The following COL5A2 variants were observed in gnomAD, a reference collection of about 807,000 sequenced individuals.
The protein encoded by COL5A2 is collagen alpha-2(V) chain.
Under a neutral mutation model 208.2 loss-of-function variants are expected in COL5A2, and 23 were observed. The ratio of observed to expected loss-of-function variants is 0.11; its 90% CI spans 0.08 to 0.16. The LOEUF is 0.16. Among genes scored for constraint, COL5A2 ranks in the 10% least tolerant of loss-of-function variants. The pLI, the probability that COL5A2 is intolerant of heterozygous loss-of-function variation, is 1.00. For synonymous variants in COL5A2, 625 were observed against 628.5 expected (o/e 0.99, Z 0.08); for missense variants, 1,590 against 1,956.4 (o/e 0.81, Z 3.53).
At chr2:189,230,169 T>C (rs1285188552), upstream of COL5A2, among the ~76,000 whole-genome samples, 3 of 151,790 alleles carry the variant, frequency 2.0e-5, no homozygotes, top group Non-Finnish European at 1.5e-5. Context: ...TCTAATACCA[T>C]ACCCAAAAAT....
the COL5A2 span, among the ~76,000 whole-genome samples, chr2:189,310,241 T>G: frequency 2.0e-5 from 3 of 151,880 alleles, no homozygotes; most frequent in South Asian, 4.1e-4. Context: ...AACAATCCAA[T>G]AAAAAAACCG....
At chr2:189,040,878 G>A (rs1024872017) in intron 50 of COL5A2, among the ~76,000 whole-genome samples, 2 of 152,118 alleles carry the variant, frequency 1.3e-5, no homozygotes, top group South Asian at 2.1e-4. Flanking sequence ...TTGTCCATAG[G>A]AAATATAAGA....
chr2:189,046,714 T>C (rs1339824747), intron 45 of COL5A2, among the ~76,000 whole-genome samples: 1 of 152,148 alleles, frequency 6.6e-6, no homozygotes, highest in African/African-American at 2.4e-5. Flanking sequence ...AATTGTCTTA[T>C]TTGACTGATA....
In COL5A2 at chr2:189,110,309, G is replaced by C. The variant is rs746454126; in HGVS notation, c.238C>G (p.Leu80Val). ...GGCGTTACAGGGTCGGCACAGTCCAGCACATCCTGGCATTCTATCTTGTCA... is the reference window on the plus strand; with the variant it reads ...GGCGTTACAGGGTCGGCACAGTCCACCACATCCTGGCATTCTATCTTGTCA... ...LCDKIECQDVLDCADPVTPPG... is the reference protein window; with the variant it reads ...LCDKIECQDVVDCADPVTPPG... The change falls in exon 2 of 54, where the codon CTG becomes GTG. Residue 80 changes from leucine (L) to valine (V), a missense_variant. Leu to Val is a conservative substitution (Grantham distance 32). Transcript: ENST00000374866. The C allele has an allele frequency of 8.4e-5, 135 of 1,614,124 alleles. No individual in the cohort carries two copies. In the East Asian group the frequency reaches 3.0e-3, roughly 36 times the overall value.
chr2:189,362,593 T>C, the COL5A2 span, among the ~76,000 whole-genome samples: 2 of 152,174 alleles, frequency 1.3e-5, no homozygotes, highest in Non-Finnish European at 2.9e-5. Flanking sequence ...TTTCATTTTT[T>C]ATTTATAATT....
At chr2:189,385,847 A>G in the COL5A2 span, among the ~76,000 whole-genome samples, 4 of 152,286 alleles carry the variant, frequency 2.6e-5, no homozygotes, top group African/African-American at 7.2e-5. Context: ...GTAGACAAAA[A>G]TAAGTTTATT....
the COL5A2 span, among the ~76,000 whole-genome samples, chr2:189,332,570 C>T: frequency 6.6e-6 from 1 of 151,974 alleles, no homozygotes; most frequent in African/African-American, 2.4e-5. Flanking sequence ...CTCATGAGAT[C>T]TGATGGTTTT....
intron 1 of COL5A2, among the ~76,000 whole-genome samples, chr2:189,161,955 C>T (rs931115283): frequency 1.6e-4 from 25 of 152,066 alleles, no homozygotes; most frequent in African/African-American, 5.3e-4. Context: ...GACTTGATGG[C>T]GGACTTGAAA....
the COL5A2 span, among the ~76,000 whole-genome samples, chr2:189,244,589 A>G: frequency 6.6e-6 from 1 of 152,116 alleles, no homozygotes; most frequent in Non-Finnish European, 1.5e-5. Flanking sequence ...TGTGAGACCA[A>G]CTCAGCCTGG....
chr2:189,207,088 A>C (rs1689152174), intron 1 of COL5A2, among the ~76,000 whole-genome samples: 1 of 152,202 alleles, frequency 6.6e-6, no homozygotes, highest in Non-Finnish European at 1.5e-5. Context: ...AAGATTGGAA[A>C]ATATTTTTTG....
chr2:189,062,614 G>T (rs1686059121), intron 29 of COL5A2, among the ~76,000 whole-genome samples: 1 of 151,994 alleles, frequency 6.6e-6, no homozygotes. Context: ...CCTTAACTGT[G>T]ACATATAAAA....
At chr2:189,247,113 T>C in the COL5A2 span, among the ~76,000 whole-genome samples, 1 of 151,926 alleles carries the variant, frequency 6.6e-6, no homozygotes, top group East Asian at 1.9e-4. Context: ...CTGAGACAGG[T>C]AGAATGGTGA....
the COL5A2 span, among the ~76,000 whole-genome samples, chr2:189,310,660 G>A: frequency 6.6e-6 from 1 of 151,984 alleles, no homozygotes; most frequent in African/African-American, 2.4e-5. Context: ...AACAAGATTT[G>A]GAAGCAACCT....
At chr2:189,140,836 T>A (rs1384593713) in intron 1 of COL5A2, among the ~76,000 whole-genome samples, 4 of 152,188 alleles carry the variant, frequency 2.6e-5, no homozygotes, top group African/African-American at 9.6e-5. Flanking sequence ...AATTAAAAAT[T>A]AGTTTTAATA....
chr2:189,357,410 C>G, the COL5A2 span, among the ~76,000 whole-genome samples: 4 of 152,048 alleles, frequency 2.6e-5, no homozygotes, highest in Non-Finnish European at 5.9e-5. Flanking sequence ...GGGCTACTGC[C>G]TTTTTTTCAG....
chr2:189,324,364 C>A, the COL5A2 span, among the ~76,000 whole-genome samples: 1 of 152,170 alleles, frequency 6.6e-6, no homozygotes, highest in African/African-American at 2.4e-5. Flanking sequence ...AAACTACCAT[C>A]AGAGTGAACA....
intron 2 of COL5A2, 41 bp downstream of exon 2, chr2:189,110,180 GGTGA>G (rs1172033779): frequency 7.5e-7 from 1 of 1,325,132 alleles, no homozygotes; most frequent in African/African-American, 1.4e-5. Context: ...CAACTATAAA[GGTGA>G]GTAACTGGAT....
At chr2:189,430,181 TC>T in the COL5A2 span, among the ~76,000 whole-genome samples, 1 of 152,188 alleles carries the variant, frequency 6.6e-6, no homozygotes, top group Non-Finnish European at 1.5e-5. Context: ...ATCTTGATTA[TC>T]CATAAATATC....
chr2:189,039,278 G>C lies in COL5A2; in HGVS notation c.3919C>G (p.Gln1307Glu), dbSNP rs142814184. The C allele has an allele frequency of 7.7e-5, 125 of 1,613,762 alleles. No homozygotes were observed. Among genetic ancestry groups the C allele is most frequent in the Non-Finnish European group, 1.0e-4 (119 of 1,179,966 alleles). ...DDLKLCHSAK[Q>E]SGEYWIDPNQ... The stretch of plus-strand genomic sequence containing the variant: ...TGGGCTGCTGTCTACTCACCACTCT[G>C]CTTTGCGGAATGGCAAAGCTTTAGG... The change falls in exon 51 of 54, where the codon CAG becomes GAG. Residue 1307 changes from glutamine to glutamate, a missense_variant. Physicochemically the swap from Gln to Glu is conservative, Grantham distance 29. Coordinates refer to ENST00000374866, the MANE Select transcript of COL5A2 (RefSeq NM_000393.5).
Sources: gnomAD v4.1 joint callset for allele counts (sites outside exome capture counted in the v4.1 genomes callset) on GRCh38, gnomAD v4.1.1 for gene constraint, MANE v1.5 for transcripts, NCBI Gene and HGNC (gene_info 2026-07-23, HGNC 2026-07-21) for gene names.